The following PDE1A variants were observed in gnomAD, a reference collection of about 807,000 sequenced individuals.
The protein encoded by PDE1A is dual specificity calcium/calmodulin-dependent 3',5'-cyclic nucleotide phosphodiesterase 1A.
PDE1A carries 35 observed loss-of-function variants against 61.7 expected under a neutral mutation model. That is an observed-to-expected ratio of 0.57 (90% CI 0.43 to 0.75). The LOEUF is 0.75. Ranked by LOEUF, PDE1A falls within the 30% of genes least tolerant of loss-of-function variation. The pLI, the probability that PDE1A is intolerant of heterozygous loss-of-function variation, is 0.00. For synonymous variants in PDE1A, 232 were observed against 213.2 expected (o/e 1.09, Z -0.77); for missense variants, 597 against 630.6 (o/e 0.95, Z 0.57).
At chr2:182,530,314 G>GGATGCCAGATGAAAA in the PDE1A span, among the ~76,000 whole-genome samples, 1 of 127,738 alleles carries the variant, frequency 7.8e-6, no homozygotes, top group Non-Finnish European at 1.6e-5. Context: ...GAAGGTAATG[G>GGATGCCAGATGAAAA]GATGCCAGAT....
the PDE1A span, among the ~76,000 whole-genome samples, chr2:182,551,090 T>C: frequency 6.6e-6 from 1 of 151,268 alleles, no homozygotes; most frequent in African/African-American, 2.4e-5. Flanking sequence ...GGAACTTACA[T>C]TCTGTCTGGC....
chr2:182,327,764 G>C (rs1357721641), intron 1 of PDE1A, among the ~76,000 whole-genome samples: 2 of 152,226 alleles, frequency 1.3e-5, no homozygotes, highest in Non-Finnish European at 2.9e-5. Flanking sequence ...ATGCACTGCA[G>C]ACAACACATT....
chr2:182,350,422 C>T (rs902832992), intron 1 of PDE1A, among the ~76,000 whole-genome samples: 7 of 152,160 alleles, frequency 4.6e-5, no homozygotes, highest in South Asian at 4.2e-4. Flanking sequence ...TGCTAGCTAT[C>T]GTATCTTTAT....
chr2:182,354,834 C>A (rs1699084928), intron 1 of PDE1A, among the ~76,000 whole-genome samples: 1 of 152,054 alleles, frequency 6.6e-6, no homozygotes, highest in African/African-American at 2.4e-5. Context: ...ACCAGAGGTT[C>A]CTAATTATAG....
chr2:182,435,691 T>C (rs970554412), intron 2 of PDE1A, among the ~76,000 whole-genome samples: 14 of 152,096 alleles, frequency 9.2e-5, no homozygotes, highest in African/African-American at 3.1e-4. Context: ...CAAAAGTAGC[T>C]GCATACTGAG....
At chr2:182,460,815 T>C (rs538073303) in intron 2 of PDE1A, among the ~76,000 whole-genome samples, 1 of 152,196 alleles carries the variant, frequency 6.6e-6, no homozygotes, top group African/African-American at 2.4e-5. Context: ...ATCATTTTAT[T>C]AGGTTGGTGC....
intron 2 of PDE1A, among the ~76,000 whole-genome samples, chr2:182,439,963 C>T (rs762205548): frequency 1.3e-5 from 2 of 152,026 alleles, no homozygotes; most frequent in Non-Finnish European, 2.9e-5. Context: ...AGGAACACAA[C>T]AGAAATATAA....
At chr2:182,613,191 A>G in the PDE1A span, among the ~76,000 whole-genome samples, 1 of 152,248 alleles carries the variant, frequency 6.6e-6, no homozygotes, top group African/African-American at 2.4e-5. Context: ...TGTTTTCATG[A>G]GTTTTTAAAA....
intron 1 of PDE1A, among the ~76,000 whole-genome samples, chr2:182,408,084 A>T (rs1013750776): frequency 6.6e-6 from 1 of 151,100 alleles, no homozygotes; most frequent in Non-Finnish European, 1.5e-5. Context: ...GACCAGGGAG[A>T]TCTTACCCCA....
intron 1 of PDE1A, among the ~76,000 whole-genome samples, chr2:182,420,444 C>T (rs560638811): frequency 2.8e-4 from 42 of 152,258 alleles, no homozygotes; most frequent in African/African-American, 9.9e-4. Context: ...TACAGCCCTA[C>T]TGTTTTTCAT....
chr2:182,526,067 CAAGAAAAAGTGGATTA>C (rs1216584085), upstream of PDE1A, among the ~76,000 whole-genome samples: 2 of 151,836 alleles, frequency 1.3e-5, no homozygotes, highest in Non-Finnish European at 2.9e-5. Context: ...AATATGGCTT[CAAGAAAAAGTGGATTA>C]AATTCATCAA....
At chr2:182,336,619 C>T (rs541918610) in intron 1 of PDE1A, among the ~76,000 whole-genome samples, 11 of 151,786 alleles carry the variant, frequency 7.2e-5, no homozygotes, top group Admixed American at 1.3e-4. Flanking sequence ...GGCCTGTCAG[C>T]GGGTAGGGGG....
intron 2 of PDE1A, among the ~76,000 whole-genome samples, chr2:182,494,388 C>G (rs1208778070): frequency 1.3e-5 from 2 of 151,996 alleles, no homozygotes; most frequent in Non-Finnish European, 2.9e-5. Context: ...ATTGATCATA[C>G]TCTCCACACC....
the PDE1A span, among the ~76,000 whole-genome samples, chr2:182,650,703 T>G: frequency 1.3e-5 from 2 of 152,240 alleles, no homozygotes; most frequent in Non-Finnish European, 2.9e-5. Flanking sequence ...CCTATACATA[T>G]TGTAACTCTA....
chr2:182,268,823 A>G (rs300885), intron 1 of PDE1A, among the ~76,000 whole-genome samples: 110,655 of 151,868 alleles, frequency 0.73, 41,065 homozygotes, highest in African/African-American at 0.88. Context: ...CACTCCCTAC[A>G]TAGAAACTAA....
intron 1 of PDE1A, among the ~76,000 whole-genome samples, chr2:182,264,746 T>C (rs1692481390): frequency 6.6e-6 from 1 of 150,958 alleles, no homozygotes; most frequent in Admixed American, 6.6e-5. Flanking sequence ...CTATGGTTTT[T>C]CTGTTTTTTT....
At chr2:182,616,709 G>A in the PDE1A span, among the ~76,000 whole-genome samples, 4 of 152,206 alleles carry the variant, frequency 2.6e-5, no homozygotes, top group African/African-American at 9.7e-5. Flanking sequence ...TCATGAAGTG[G>A]TTCTCAATCT....
chr2:182,195,026 C>T (rs1187504392), intron 10 of PDE1A, among the ~76,000 whole-genome samples: 5 of 151,778 alleles, frequency 3.3e-5, no homozygotes, highest in Non-Finnish European at 7.4e-5. Context: ...TTGTTCAAAA[C>T]CAATAGAAGG....
At chr2:182,608,454 G>A in the PDE1A span, among the ~76,000 whole-genome samples, 1 of 152,204 alleles carries the variant, frequency 6.6e-6, no homozygotes. Flanking sequence ...GCGAGGAGAT[G>A]TGGAGGGAGA....
Sources: allele counts gnomAD v4.1 joint callset (sites outside exome capture counted in the v4.1 genomes callset), GRCh38; gene constraint gnomAD v4.1.1; transcripts MANE v1.5; gene names NCBI Gene and HGNC (gene_info 2026-07-23, HGNC 2026-07-21).